Variants in TMC1 observed in about 807,000 individuals in gnomAD.
TMC1 encodes the protein transmembrane channel-like protein 1.
A neutral mutation model predicts 105.8 loss-of-function variants in TMC1; 84 were observed. The ratio of observed to expected loss-of-function variants is 0.79; its 90% CI spans 0.67 to 0.95. The LOEUF (loss-of-function observed/expected upper bound fraction) is 0.95. Ranked by LOEUF, TMC1 falls within the 40% of genes least tolerant of loss-of-function variation. TMC1 has a pLI of 0.00. For missense variants in TMC1, 817 were observed against 914.1 expected, an observed-to-expected ratio of 0.89 and a Z score of 1.37; for synonymous variants, 315 against 311.5, an observed-to-expected ratio of 1.01 and a Z score of -0.12.
At chr9:72,570,117 G>T (rs1392620953) in intron 1 of TMC1, among the ~76,000 whole-genome samples, 1 of 152,138 alleles carries the variant, frequency 6.6e-6, no homozygotes, top group African/African-American at 2.4e-5. Context: ...GGCAGCTGGT[G>T]TTGCATAATT....
intron 8 of TMC1, among the ~76,000 whole-genome samples, chr9:72,701,237 C>T (rs887262276): frequency 1.3e-5 from 2 of 152,270 alleles, no homozygotes; most frequent in Admixed American, 1.3e-4. Context: ...AAAGGTTATG[C>T]TAATAGCTAT....
At chr9:72,587,253 G>A (rs1824569218) in intron 2 of TMC1, among the ~76,000 whole-genome samples, 3 of 152,016 alleles carry the variant, frequency 2.0e-5, no homozygotes, top group Admixed American at 6.6e-5. Context: ...CTGCCTCCTG[G>A]GTTCAAGTGA....
chr9:72,629,984 G>C (rs879876212), intron 4 of TMC1, among the ~76,000 whole-genome samples: 1 of 151,974 alleles, frequency 6.6e-6, no homozygotes, highest in African/African-American at 2.4e-5. Flanking sequence ...TCCTGCCTCA[G>C]CCTCCTGAGT....
At chr9:72,697,766 A>G (rs1826575194) in intron 7 of TMC1, among the ~76,000 whole-genome samples, 1 of 152,120 alleles carries the variant, frequency 6.6e-6, no homozygotes, top group African/African-American at 2.4e-5. Context: ...AATATCATGA[A>G]TTATTTTGAA....
At chr9:72,627,213 T>G (rs1825362959) in intron 3 of TMC1, among the ~76,000 whole-genome samples, 1 of 152,174 alleles carries the variant, frequency 6.6e-6, no homozygotes, top group Non-Finnish European at 1.5e-5. Flanking sequence ...TTAATGCCTC[T>G]CTGCAGGAGG....
intron 2 of TMC1, among the ~76,000 whole-genome samples, chr9:72,612,280 T>G (rs1825040548): frequency 6.6e-6 from 1 of 152,100 alleles, no homozygotes; most frequent in Non-Finnish European, 1.5e-5. Context: ...AGGTGATCCT[T>G]CCACCTCAGC....
intron 2 of TMC1, among the ~76,000 whole-genome samples, chr9:72,589,584 CG>C (rs1305648514): frequency 2.0e-5 from 3 of 152,078 alleles, no homozygotes; most frequent in Non-Finnish European, 4.4e-5. Context: ...CAAAGCATGT[CG>C]GACTTGACCT....
intron 10 of TMC1, among the ~76,000 whole-genome samples, chr9:72,748,026 A>G (rs190856311): frequency 6.6e-5 from 10 of 152,360 alleles, no homozygotes; most frequent in Admixed American, 2.0e-4. Flanking sequence ...GATGGATATT[A>G]TCTATACCTA....
chr9:72,808,568 C>T (rs551004678), intron 18 of TMC1, among the ~76,000 whole-genome samples: 61 of 152,322 alleles, frequency 4.0e-4, no homozygotes, highest in African/African-American at 1.4e-3. Flanking sequence ...GAGGCCCTGA[C>T]CTCTCTTATT....
intron 17 of TMC1, 141 bp from the exon 18 acceptor site, chr9:72,805,241 T>G (rs1828551806): frequency 1.4e-6 from 1 of 703,142 alleles, no homozygotes; most frequent in Non-Finnish European, 2.4e-6. Flanking sequence ...ATTTACTTGA[T>G]ATGACTAGTT....
At chr9:72,555,245 G>A (rs544134476) in intron 1 of TMC1, among the ~76,000 whole-genome samples, 1 of 148,126 alleles carries the variant, frequency 6.8e-6, no homozygotes, top group African/African-American at 2.5e-5. Flanking sequence ...ACCCAGGCTG[G>A]AGTGCAATTG....
chr9:72,719,067 GA>G (rs1826971197), intron 8 of TMC1, among the ~76,000 whole-genome samples: 1 of 152,198 alleles, frequency 6.6e-6, no homozygotes, highest in African/African-American at 2.4e-5. Flanking sequence ...ACAGCACTGA[GA>G]TTGTTTTCAG....
intron 8 of TMC1, among the ~76,000 whole-genome samples, chr9:72,709,712 C>T (rs994987899): frequency 4.6e-5 from 7 of 152,122 alleles, no homozygotes; most frequent in African/African-American, 1.7e-4. Context: ...GTAATATCTC[C>T]TATTTCATGT....
chr9:72,762,634 A>G (rs1827774347), intron 12 of TMC1, among the ~76,000 whole-genome samples: 1 of 152,180 alleles, frequency 6.6e-6, no homozygotes, highest in Non-Finnish European at 1.5e-5. Flanking sequence ...TTAGAGTTAT[A>G]AATTTTCAAA....
intron 12 of TMC1, among the ~76,000 whole-genome samples, chr9:72,761,646 C>T (rs911688997): frequency 2.0e-5 from 3 of 152,124 alleles, no homozygotes; most frequent in Non-Finnish European, 4.4e-5. Context: ...TTCCTTCTGC[C>T]CTGCCTGCCT....
chr9:72,604,699 G>A (rs1212522868), intron 2 of TMC1, among the ~76,000 whole-genome samples: 1 of 152,204 alleles, frequency 6.6e-6, no homozygotes, highest in Non-Finnish European at 1.5e-5. Flanking sequence ...AGAAATGCTG[G>A]TTGGGTGAAT....
chr9:72,687,221 G>A (rs1270771504), intron 5 of TMC1, among the ~76,000 whole-genome samples: 1 of 152,020 alleles, frequency 6.6e-6, no homozygotes, highest in African/African-American at 2.4e-5. Flanking sequence ...TGTGCATATC[G>A]CAAAGTAGGC....
intron 7 of TMC1, among the ~76,000 whole-genome samples, chr9:72,699,185 T>G (rs1241643846): frequency 6.6e-6 from 1 of 152,188 alleles, no homozygotes; most frequent in Non-Finnish European, 1.5e-5. Context: ...TAAAATTATG[T>G]TGCTCTTGTT....
chr9:72,612,609 G>A (rs1825051309), intron 2 of TMC1, among the ~76,000 whole-genome samples: 1 of 152,088 alleles, frequency 6.6e-6, no homozygotes, highest in Non-Finnish European at 1.5e-5. Flanking sequence ...GTGAATGAAT[G>A]TAGCTGTGTT....
Sources: gnomAD v4.1 joint callset for allele counts (sites outside exome capture counted in the v4.1 genomes callset) on GRCh38, gnomAD v4.1.1 for gene constraint, MANE v1.5 for transcripts, NCBI Gene and HGNC (gene_info 2026-07-23, HGNC 2026-07-21) for gene names.